Variants in NABP2 observed in about 807,000 individuals in gnomAD.
The protein encoded by NABP2 is SOSS complex subunit B1.
In NABP2, 7 loss-of-function variants were observed where a neutral mutation model predicts 22.7. The ratio of observed to expected loss-of-function variants is 0.31; its 90% confidence interval spans 0.18 to 0.58. NABP2 has a LOEUF of 0.58. Ranked by LOEUF, NABP2 falls within the 20% of genes least tolerant of loss-of-function variation. NABP2 has a pLI of 0.89. For missense variants in NABP2, 188 were observed against 265.9 expected (o/e 0.71, Z 2.04); for synonymous variants, 107 against 99.2 (o/e 1.08, Z -0.47).
chr12:56,224,361 G>C lies in NABP2; in HGVS notation c.-104G>C. Reference sequence around the variant, plus strand: ...ATGTCCGCACTCCCGCGTTCCACGGGGCAGCATCCGGCGGCAGCGGAGCCT... The same window carrying C: ...ATGTCCGCACTCCCGCGTTCCACGGCGCAGCATCCGGCGGCAGCGGAGCCT... On this transcript the variant is annotated 5_prime_UTR_variant, in exon 1 of 7. Transcript: ENST00000267023. 2.0e-6 allele frequency: 2 copies of C among 990,398 alleles called. No individual in the cohort carries two copies. Among genetic ancestry groups the C allele is most frequent in the Non-Finnish European group, 2.4e-6 (2 of 832,034 alleles). 61.4% of individuals were successfully genotyped at this position (990,398 alleles called of 1,614,324 possible). A position where few individuals can be genotyped will look rare whatever the true frequency, so the allele number is the denominator to read the frequency against.
chr12:56,225,739 A>C, intron 4 of NABP2, 44 bp downstream of exon 4: 4 of 1,602,238 alleles, frequency 2.5e-6, no homozygotes, highest in Non-Finnish European at 3.4e-6. Flanking sequence ...CACCAGGGCA[A>C]AGGGGTTTGC....
upstream of NABP2, among the ~76,000 whole-genome samples, chr12:56,223,220 G>A (rs893260296): frequency 6.6e-6 from 1 of 152,014 alleles, no homozygotes; most frequent in Admixed American, 6.5e-5. Flanking sequence ...CAACCTGGGC[G>A]ACAGAGCAAG....
In NABP2 at chr12:56,225,644, G is replaced by C. The variant is rs758168126; in HGVS notation, c.239G>C (p.Gly80Ala). Residue 80 changes from glycine (G) to alanine (A), a missense_variant, in exon 4 of 7, where the codon GGT (glycine) becomes GCT (alanine). Physicochemically the swap from Gly to Ala is moderately conservative, Grantham distance 60 (BLOSUM62 0). Transcript: ENST00000267023. ...LTKGYASVFK[G>A]CLTLYTGRGG... Reference sequence around the variant, plus strand: ...CATAGGTACGCTTCAGTTTTCAAAGGTTGTCTGACACTATATACTGGCCGT... The same window carrying C: ...CATAGGTACGCTTCAGTTTTCAAAGCTTGTCTGACACTATATACTGGCCGT... 6.8e-6 allele frequency: 11 copies of C among 1,614,156 alleles called. No homozygotes were observed. In the South Asian group the frequency reaches 1.2e-4, roughly 18 times the overall value.
chr12:56,222,609 C>G (rs995660758), upstream of NABP2, among the ~76,000 whole-genome samples: 1 of 152,044 alleles, frequency 6.6e-6, no homozygotes, highest in Non-Finnish European at 1.5e-5. Flanking sequence ...GGGATGTGGG[C>G]GGTAGAGAAC....
rs573696873 is a variant in NABP2, at chr12:56,229,722, G to A, written c.*509G>A. On this transcript the variant is annotated 3_prime_UTR_variant, in exon 7 of 7. Coordinates refer to ENST00000267023, the MANE Select transcript of NABP2 (RefSeq NM_024068.4). Reference sequence around the variant, plus strand: ...GCACTCCAGCCTGGGCAATAAGAGCGAAACTCCATCTCAAAAAAAAAAGAA... The same window carrying A: ...GCACTCCAGCCTGGGCAATAAGAGCAAAACTCCATCTCAAAAAAAAAAGAA... 2.5e-4 allele frequency: 37 copies of A among 145,964 alleles called. No homozygotes were observed. The highest frequency in any genetic ancestry group is 7.7e-4 in the African/African-American group (31 of 40,196). The allele number at this position is 145,964 out of a possible 1,614,324, so 9.0% of individuals were successfully genotyped here.
At chr12:56,226,128 C>A in intron 4 of NABP2, 51 bp from the exon 5 acceptor site, 2 of 1,547,918 alleles carry the variant, frequency 1.3e-6, no homozygotes, top group Non-Finnish European at 1.8e-6. Flanking sequence ...AGGCCTCCAG[C>A]AGTGGCCCAG....
In NABP2 at chr12:56,226,201, G is replaced by T; in HGVS notation, c.313G>T (p.Val105Phe). ...IGEFCMVYSE[V>F]PNFSEPNPEY... ...CAGATTCTGTATGGTTTATTCTGAG[G>T]TTCCTAACTTCAGTGAGCCAAACCC... is the stretch of plus-strand genomic sequence containing the variant. The change falls in exon 5 of 7, where the codon GTT becomes TTT. Residue 105 changes from valine (V) to phenylalanine (F), a missense_variant. Coordinates refer to ENST00000267023, the MANE Select transcript of NABP2 (RefSeq NM_024068.4). 1 of 1,614,134 alleles carries T rather than the reference G, an allele frequency of 6.2e-7. No individual in the cohort carries two copies. Among genetic ancestry groups the T allele is most frequent in the Non-Finnish European group, 8.5e-7 (1 of 1,180,028 alleles).
At chr12:56,228,019 C>G (rs2135835186) in intron 6 of NABP2, among the ~76,000 whole-genome samples, 1 of 151,906 alleles carries the variant, frequency 6.6e-6, no homozygotes, top group South Asian at 2.1e-4. Context: ...ATGGAGAAAC[C>G]CCATCTCTAC....
Position 56,229,087 on chromosome 12 carries a change from T to TGGGCCCCCCCCC in NABP2, c.510_511insGGGCCCCCCCCC (p.Thr170_Pro171insGlyProProPro). 1 of 1,512,344 alleles carries TGGGCCCCCCCCC rather than the reference T, an allele frequency of 6.6e-7. No individual in the cohort carries two copies. Among genetic ancestry groups the TGGGCCCCCCCCC allele is most frequent in the Non-Finnish European group, 9.1e-7 (1 of 1,102,012 alleles). 93.7% of individuals were successfully genotyped at this position (1,512,344 alleles called of 1,614,324 possible). ...GTGGTGGCCCACATCCCCCTCATAC[T>TGGGCCCCCCCCC]CCCTCCCACCCACCCAGCACCCGAA... On this transcript the variant is annotated inframe_insertion, in exon 7 of 7. Transcript: ENST00000267023.
intron 6 of NABP2, 139 bp from the exon 7 acceptor site, chr12:56,228,875 G>A: frequency 1.3e-6 from 1 of 756,654 alleles, no homozygotes; most frequent in Admixed American, 2.1e-5. Context: ...ACAGTCTTTT[G>A]CATTTGGTCC....
rs372314559 is a variant in NABP2, at chr12:56,225,367, G to A, written c.80-6G>A. On this transcript the variant is annotated splice_polypyrimidine_tract_variant and splice_region_variant and intron_variant, in intron 2 of 6. Coordinates refer to ENST00000267023, the MANE Select transcript of NABP2 (RefSeq NM_024068.4). ...CCTCCCACCTCGATTTATCTGTTCC[G>A]TTCAGGCCGAGTGACCAAGACAAAG... The A allele has an allele frequency of 3.1e-6, 5 of 1,614,074 alleles. No homozygotes were observed. Among genetic ancestry groups the A allele is most frequent in the East Asian group, 4.5e-5 (2 of 44,874 alleles).
intron 6 of NABP2, among the ~76,000 whole-genome samples, chr12:56,227,680 G>A (rs1004036966): frequency 1.3e-5 from 2 of 152,002 alleles, no homozygotes; most frequent in African/African-American, 2.4e-5. Context: ...CAGACGCAGC[G>A]GTGCACACCC....
At position 56,224,839 on chromosome 12, in the gene NABP2, T is replaced by C; in HGVS notation, c.-18T>C. On this transcript the variant is annotated 5_prime_UTR_variant, in exon 2 of 7. Coordinates refer to ENST00000267023, the MANE Select transcript of NABP2 (RefSeq NM_024068.4). ...ATCCTCTATTCCCCATCCAGTGGGG[T>C]GCCGAGGCTCAGGCAGCATGACGAC... 1 of 1,613,024 alleles carries C rather than the reference T, an allele frequency of 6.2e-7. No individual in the cohort carries two copies. Among genetic ancestry groups the C allele is most frequent in the Non-Finnish European group, 8.5e-7 (1 of 1,179,710 alleles).
At chr12:56,225,230 C>A in intron 2 of NABP2, 143 bp from the exon 3 acceptor site, 2 of 1,119,510 alleles carry the variant, frequency 1.8e-6, no homozygotes, top group Non-Finnish European at 2.6e-6. Context: ...ACAATCCCAA[C>A]CCTTTATGCC....
At position 56,224,441 on chromosome 12, in the gene NABP2, G is replaced by T. The variant is rs1369759115; in HGVS notation, c.-24G>T. ...GTGCACAGTCCTGCCGGCTGGCTTGGGTGGGTGGTGGGCTGCGGGTAGGGG... is the reference window on the plus strand; with the variant it reads ...GTGCACAGTCCTGCCGGCTGGCTTGTGTGGGTGGTGGGCTGCGGGTAGGGG... On this transcript the variant is annotated splice_region_variant and 5_prime_UTR_variant, in exon 1 of 7. Coordinates refer to ENST00000267023, the MANE Select transcript of NABP2 (RefSeq NM_024068.4). 1 of 1,030,834 alleles carries T rather than the reference G, an allele frequency of 9.7e-7. No individual in the cohort carries two copies. The highest frequency in any genetic ancestry group is 4.9e-5 in the Admixed American group (1 of 20,482). The allele number at this position is 1,030,834 out of a possible 1,614,324, so 63.9% of individuals were successfully genotyped here.
intron 4 of NABP2, 24 bp downstream of exon 4, chr12:56,225,719 G>T: frequency 6.2e-7 from 1 of 1,613,414 alleles, no homozygotes; most frequent in Non-Finnish European, 8.5e-7. Flanking sequence ...TGGGGATTGG[G>T]ATGAAGAAGC....
rs2135829252 is a variant in NABP2 at position 56,224,952 on chromosome 12, G to A, written c.79+17G>A. ...TGGAGACAGGTGTCTATACTGGGGT[G>A]GCGGGTTCGCGGGATGGGGGTCGGG... On this transcript the variant is annotated intron_variant, in intron 2 of 6. Coordinates refer to ENST00000267023, the MANE Select transcript of NABP2 (RefSeq NM_024068.4). The A allele has an allele frequency of 6.3e-7, 1 of 1,580,320 alleles. No individual in the cohort carries two copies. Among genetic ancestry groups the A allele is most frequent in the South Asian group, 1.1e-5 (1 of 90,388 alleles).
chr12:56,222,661 G>A (rs114511206), upstream of NABP2, among the ~76,000 whole-genome samples: 2,180 of 152,308 alleles, frequency 0.014, 46 homozygotes, highest in African/African-American at 0.05. Flanking sequence ...AAAGAGCTCC[G>A]TGAGCAGATA....
upstream of NABP2, chr12:56,223,755 G>T (rs1869622289): frequency 6.6e-6 from 1 of 152,226 alleles, no homozygotes; most frequent in African/African-American, 2.4e-5. Context: ...TGCCTACTGT[G>T]TGCAAGGCAC....
Sources: gnomAD v4.1 joint callset for allele counts (sites outside exome capture counted in the v4.1 genomes callset) on GRCh38, gnomAD v4.1.1 for gene constraint, MANE v1.5 for transcripts, NCBI Gene and HGNC (gene_info 2026-07-23, HGNC 2026-07-21) for gene names.